The following UCK1 variants were observed in gnomAD, a reference collection of about 807,000 sequenced individuals.
UCK1 encodes cytidine monophosphokinase 1.
Under a neutral mutation model 34.0 loss-of-function variants are expected in UCK1, and 20 were observed. That is an observed-to-expected ratio of 0.59 (90% confidence interval 0.41 to 0.86). The LOEUF (loss-of-function observed/expected upper bound fraction) is 0.86, where lower values mean the gene tolerates loss of function less well. UCK1 is among the 40% of genes least tolerant of loss of function. The pLI is 0.00. For missense variants in UCK1, 343 were observed against 383.6 expected (o/e 0.89, Z 0.88); for synonymous variants, 168 against 155.9 (o/e 1.08, Z -0.58).
At chr9:131,529,379 C>T in intron 3 of UCK1, 109 bp from the exon 4 acceptor site, 1 of 1,599,132 alleles carries the variant, frequency 6.3e-7, no homozygotes, top group African/African-American at 1.3e-5. Flanking sequence ...GGGTGGGGGA[C>T]CCACAGAAAC....
Position 131,531,206 on chromosome 9 carries a change from G to C in UCK1, c.-32C>G, listed in dbSNP as rs1015609501. On this transcript the variant is annotated 5_prime_UTR_variant, in exon 1 of 7. Transcript: ENST00000372215. ...CTCCGCTCCCGCGCATCGGGTCCCCGCGCCCGCCCCTTCCCCAGGCCCGGC... is the reference window on the plus strand; with the variant it reads ...CTCCGCTCCCGCGCATCGGGTCCCCCCGCCCGCCCCTTCCCCAGGCCCGGC... The C allele has an allele frequency of 1.5e-6, 2 of 1,361,474 alleles. No individual in the cohort carries two copies. The highest frequency in any genetic ancestry group is 9.5e-7 in the Non-Finnish European group (1 of 1,057,016). 84.3% of individuals were successfully genotyped at this position (1,361,474 alleles called of 1,614,324 possible). A position where few individuals can be genotyped will look rare whatever the true frequency, so the allele number is the denominator to read the frequency against.
rs574346303 is a variant in UCK1, at chr9:131,531,229, G to A, written c.-55C>T. 3.0e-6 allele frequency: 4 copies of A among 1,315,192 alleles called. No homozygotes were observed. Among genetic ancestry groups the A allele is most frequent in the Admixed American group, 4.1e-5 (1 of 24,148 alleles). The allele number at this position is 1,315,192 out of a possible 1,614,324, so 81.5% of individuals were successfully genotyped here. A position where few individuals can be genotyped will look rare whatever the true frequency, so the allele number is the denominator to read the frequency against. On this transcript the variant is annotated 5_prime_UTR_variant, in exon 1 of 7. Coordinates refer to ENST00000372215, the MANE Select transcript of UCK1 (RefSeq NM_031432.5). ...CCGCGCCCGCCCCTTCCCCAGGCCC[G>A]GCGCGCCCGCCCAGCGCCGAGGTCG...
chr9:131,524,936 TG>T lies in UCK1; in HGVS notation c.*103del, dbSNP rs1442680370. On this transcript the variant is annotated 3_prime_UTR_variant, in exon 7 of 7. Coordinates refer to ENST00000372215, the MANE Select transcript of UCK1 (RefSeq NM_031432.5). ...GAAGGCCTCGCTGCTAACACTCCCC[TG>T]GGGTGCGCCGAGAGGAAGCAGTGGG... The T allele has an allele frequency of 1.5e-5, 21 of 1,404,456 alleles. No individual in the cohort carries two copies. Among genetic ancestry groups the T allele is most frequent in the Non-Finnish European group, 1.9e-5 (20 of 1,039,052 alleles). 87.0% of individuals were successfully genotyped at this position (1,404,456 alleles called of 1,614,324 possible).
intron 5 of UCK1, 21 bp downstream of exon 5, chr9:131,528,923 T>C (rs1950715738): frequency 1.2e-6 from 2 of 1,613,204 alleles, no homozygotes; most frequent in Non-Finnish European, 1.7e-6. Flanking sequence ...AAATGGGCTC[T>C]GAAGCAGCGA....
chr9:131,524,861 C>T lies in UCK1; in HGVS notation c.*179G>A, dbSNP rs1588525717. 1 of 700,220 alleles carries T rather than the reference C, an allele frequency of 1.4e-6. No homozygotes were observed. The highest frequency in any genetic ancestry group is 1.8e-5 in the African/African-American group (1 of 55,524). The allele number at this position is 700,220 out of a possible 1,614,324, so 43.4% of individuals were successfully genotyped here. On this transcript the variant is annotated 3_prime_UTR_variant, in exon 7 of 7. Coordinates refer to ENST00000372215, the MANE Select transcript of UCK1 (RefSeq NM_031432.5). The stretch of plus-strand genomic sequence containing the variant: ...AACCTCAGGAACGCCTGTCAGTGTC[C>T]CAGCAAGTTGAGTCTGAGTGACACA...
chr9:131,526,648 G>T, intron 5 of UCK1: 1 of 611,070 alleles, frequency 1.6e-6, no homozygotes, highest in Non-Finnish European at 2.7e-6. Flanking sequence ...CAAAGCTGAG[G>T]GAAGAGGGAG....
intron 1 of UCK1, 75 bp from the exon 2 acceptor site, chr9:131,530,720 A>G: frequency 1.2e-6 from 2 of 1,613,360 alleles, no homozygotes; most frequent in South Asian, 1.1e-5. Flanking sequence ...TTCTGGAGAC[A>G]CTGACCCACC....
rs1950518152 is a variant in UCK1, at chr9:131,524,773, T to G, written c.*267A>C. 2.6e-6 allele frequency: 1 copy of G among 390,736 alleles called. No individual in the cohort carries two copies. Among genetic ancestry groups the G allele is most frequent in the East Asian group, 4.7e-5 (1 of 21,054 alleles). 24.2% of individuals were successfully genotyped at this position (390,736 alleles called of 1,614,324 possible). On this transcript the variant is annotated 3_prime_UTR_variant, in exon 7 of 7. Coordinates refer to ENST00000372215, the MANE Select transcript of UCK1 (RefSeq NM_031432.5). ...AGAAGCCTCCCAGGCTTCCTGCACA[T>G]TCTGTGGCATTTCTCAGTGACCTAG...
rs1474439878 is a variant in UCK1, at chr9:131,524,754, C to G, written c.*286G>C. The G allele has an allele frequency of 2.8e-6, 1 of 360,006 alleles. No homozygotes were observed. The highest frequency in any genetic ancestry group is 5.1e-6 in the Non-Finnish European group (1 of 197,966). 22.3% of individuals were successfully genotyped at this position (360,006 alleles called of 1,614,324 possible). On this transcript the variant is annotated 3_prime_UTR_variant, in exon 7 of 7. Transcript: ENST00000372215. Reference sequence around the variant, plus strand: ...TGTGCCTCACATTCCTCACAGAAGCCTCCCAGGCTTCCTGCACATTCTGTG... The same window carrying G: ...TGTGCCTCACATTCCTCACAGAAGCGTCCCAGGCTTCCTGCACATTCTGTG...
chr9:131,530,705 C>A, intron 1 of UCK1, 60 bp from the exon 2 acceptor site: 1 of 1,613,968 alleles, frequency 6.2e-7, no homozygotes, highest in Non-Finnish European at 8.5e-7. Context: ...AGGCACGGGG[C>A]CGGCTTCTGG....
At chr9:131,527,860 G>C (rs955116063) in intron 5 of UCK1, among the ~76,000 whole-genome samples, 1 of 152,126 alleles carries the variant, frequency 6.6e-6, no homozygotes, top group Non-Finnish European at 1.5e-5. Context: ...CTGGGCAACA[G>C]AGCAAGACTC....
chr9:131,531,231 C>G lies in UCK1; in HGVS notation c.-57G>C, dbSNP rs1950835173. ...GCGCCCGCCCCTTCCCCAGGCCCGG[C>G]GCGCCCGCCCAGCGCCGAGGTCGGA... On this transcript the variant is annotated 5_prime_UTR_variant, in exon 1 of 7. Coordinates refer to ENST00000372215, the MANE Select transcript of UCK1 (RefSeq NM_031432.5). 1.1e-5 allele frequency: 15 copies of G among 1,314,314 alleles called. No homozygotes were observed. Among genetic ancestry groups the G allele is most frequent in the Non-Finnish European group, 1.4e-5 (14 of 1,029,340 alleles). 81.4% of individuals were successfully genotyped at this position (1,314,314 alleles called of 1,614,324 possible). A position where few individuals can be genotyped will look rare whatever the true frequency, so the allele number is the denominator to read the frequency against.
In UCK1 at chr9:131,525,127, C is replaced by T; in HGVS notation, c.747G>A (p.Lys249=). 2 of 1,614,094 alleles carry T rather than the reference C, an allele frequency of 1.2e-6. No individual in the cohort carries two copies. Among genetic ancestry groups the T allele is most frequent in the South Asian group, 2.2e-5 (2 of 91,086 alleles). The part of the protein sequence containing the change: ...HRGGSNGRSY[K]RTFSEPGDHP... ...GGTCCCCTGGCTCAGAAAAGGTCCG[C>T]TTGTAGCTCCGCCCATTGGACCCTC... The change falls in exon 7 of 7, where the codon AAG becomes AAA. Residue 249 remains lysine (K), a synonymous_variant. Transcript: ENST00000372215.
Position 131,530,604 on chromosome 9 carries a change from G to A in UCK1, c.150C>T (p.Asn50=), listed in dbSNP as rs1483206379. 6.2e-7 allele frequency: 1 copy of A among 1,614,064 alleles called. No individual in the cohort carries two copies. The highest frequency in any genetic ancestry group is 1.3e-5 in the African/African-American group (1 of 74,936). ...CCTTCCGCTGCCGCTGTTCCACCTC[G>A]TTCTGTCCCAGCAACTCCATGATCT... is the stretch of plus-strand genomic sequence containing the variant. ...CEKIMELLGQ[N]EVEQRQRKVV... The change falls in exon 2 of 7, where the codon AAC becomes AAT. Residue 50 remains asparagine, a synonymous_variant. Coordinates refer to ENST00000372215, the MANE Select transcript of UCK1 (RefSeq NM_031432.5).
rs1264268474 is a variant in UCK1 at position 131,530,967 on chromosome 9, T to C, written c.108+100A>G. On this transcript the variant is annotated intron_variant, in intron 1 of 6. Transcript: ENST00000372215. ...TTCGCTCCCGCGCCCTGCCCCTGCCTGGCAGGGGGCCCCTCGGCCGGGGCT... is the reference window on the plus strand; with the variant it reads ...TTCGCTCCCGCGCCCTGCCCCTGCCCGGCAGGGGGCCCCTCGGCCGGGGCT... 1.2e-5 allele frequency: 13 copies of C among 1,090,466 alleles called. No homozygotes were observed. The African/African-American group carries it at 1.4e-4, about 11-fold the overall frequency. The allele number at this position is 1,090,466 out of a possible 1,614,324, so 67.5% of individuals were successfully genotyped here. A position where few individuals can be genotyped will look rare whatever the true frequency, so the allele number is the denominator to read the frequency against.
chr9:131,530,070 A>G (rs921803006), intron 2 of UCK1, among the ~76,000 whole-genome samples: 2 of 152,190 alleles, frequency 1.3e-5, no homozygotes, highest in African/African-American at 4.8e-5. Context: ...AGCCACCAGC[A>G]CTAGTTTACC....
At position 131,524,880 on chromosome 9, in the gene UCK1, T is replaced by G. The variant is rs1235136813; in HGVS notation, c.*160A>C. 1 of 812,714 alleles carries G rather than the reference T, an allele frequency of 1.2e-6. No individual in the cohort carries two copies. The allele number at this position is 812,714 out of a possible 1,614,324, so 50.3% of individuals were successfully genotyped here. A position where few individuals can be genotyped will look rare whatever the true frequency, so the allele number is the denominator to read the frequency against. The stretch of plus-strand genomic sequence containing the variant: ...AGTGTCCCAGCAAGTTGAGTCTGAG[T>G]GACACATCTGAGTTTCCACTCCTGA... On this transcript the variant is annotated 3_prime_UTR_variant, in exon 7 of 7. Coordinates refer to ENST00000372215, the MANE Select transcript of UCK1 (RefSeq NM_031432.5).
chr9:131,525,277 C>T, intron 6 of UCK1, 56 bp from the exon 7 acceptor site: 5 of 1,605,834 alleles, frequency 3.1e-6, no homozygotes, highest in Non-Finnish European at 1.7e-6. Flanking sequence ...CCGTGGAGAC[C>T]GCCCCTCCCC....
At chr9:131,526,289 G>A (rs1378589246) in intron 5 of UCK1, 10 of 764,850 alleles carry the variant, frequency 1.3e-5, no homozygotes, top group Non-Finnish European at 2.0e-5. Context: ...CTACGCTAAC[G>A]ACTCAATTCA....
Sources: allele counts gnomAD v4.1 joint callset (sites outside exome capture counted in the v4.1 genomes callset), GRCh38; gene constraint gnomAD v4.1.1; transcripts MANE v1.5; gene names NCBI Gene and HGNC (gene_info 2026-07-23, HGNC 2026-07-21).